Variants in PFKL observed in about 807,000 individuals in gnomAD.
PFKL encodes the protein phosphofructokinase, liver type.
Under a neutral mutation model 92.1 loss-of-function variants are expected in PFKL, and 74 were observed. That is an observed-to-expected ratio of 0.80 (90% CI 0.67 to 0.97). The LOEUF (loss-of-function observed/expected upper bound fraction) is 0.97, where lower values mean the gene tolerates loss of function less well. Among genes scored for constraint, PFKL ranks in the 50% least tolerant of loss-of-function variants. The pLI is 0.00. For synonymous variants in PFKL, 494 were observed against 456.4 expected, an observed-to-expected ratio of 1.08 and a Z score of -1.05; for missense variants, 1,028 against 1,116.6, an observed-to-expected ratio of 0.92 and a Z score of 1.13.
chr21:44,319,941 T>A, intron 11 of PFKL, 143 bp from the exon 12 acceptor site: 2 of 700,938 alleles, frequency 2.9e-6, no homozygotes, highest in Non-Finnish European at 5.1e-6. Context: ...CTGCCTGGCA[T>A]GCGCGGTGTC....
intron 15 of PFKL, 64 bp downstream of exon 15, chr21:44,323,113 AG>A: frequency 7.5e-7 from 1 of 1,339,888 alleles, no homozygotes; most frequent in Non-Finnish European, 1.1e-6. Context: ...CCTCCCGCCG[AG>A]GGGGCCCATC....
intron 2 of PFKL, among the ~76,000 whole-genome samples, chr21:44,308,438 A>G (rs2041017307): frequency 6.6e-6 from 1 of 152,208 alleles, no homozygotes; most frequent in Non-Finnish European, 1.5e-5. Context: ...AAGCGGATTA[A>G]TAGGGCAGAG....
chr21:44,326,986 C>T lies in PFKL; in HGVS notation c.*124C>T. 1 of 882,062 alleles carries T rather than the reference C, an allele frequency of 1.1e-6. No homozygotes were observed. Among genetic ancestry groups the T allele is most frequent in the Non-Finnish European group, 1.8e-6 (1 of 570,436 alleles). The allele number at this position is 882,062 out of a possible 1,614,324, so 54.6% of individuals were successfully genotyped here. A position where few individuals can be genotyped will look rare whatever the true frequency, so the allele number is the denominator to read the frequency against. On this transcript the variant is annotated 3_prime_UTR_variant, in exon 22 of 22. Transcript: ENST00000349048. Reference sequence around the variant, plus strand: ...AGGTGGGGGCTGCGTCCCTGCTCAGCCCATCCCCTGCCTCTATCCCTGGCC... The same window carrying T: ...AGGTGGGGGCTGCGTCCCTGCTCAGTCCATCCCCTGCCTCTATCCCTGGCC...
In PFKL at chr21:44,326,820, G is replaced by A. The variant is rs751250369; in HGVS notation, c.2301G>A (p.Glu767=). 3.1e-6 allele frequency: 5 copies of A among 1,603,826 alleles called. No individual in the cohort carries two copies. The highest frequency in any genetic ancestry group is 1.7e-5 in the Admixed American group (1 of 59,432). ...SMAAYVSGEL[E]HVTRRTLSMD... is the part of the protein sequence containing the mutation. Reference sequence around the variant, plus strand: ...CCGCCTACGTGTCAGGGGAGCTGGAGCACGTGACCCGCCGCACCCTGAGCA... The same window carrying A: ...CCGCCTACGTGTCAGGGGAGCTGGAACACGTGACCCGCCGCACCCTGAGCA... Residue 767 remains glutamate, a synonymous_variant, in exon 22 of 22, where the codon GAG becomes GAA. Coordinates refer to ENST00000349048, the MANE Select transcript of PFKL (RefSeq NM_002626.6).
At chr21:44,312,609 G>T (rs2047080705) in intron 4 of PFKL, among the ~76,000 whole-genome samples, 1 of 152,240 alleles carries the variant, frequency 6.6e-6, no homozygotes, top group Non-Finnish European at 1.5e-5. Flanking sequence ...TTCTGGACAT[G>T]CATGGTCACA....
In PFKL at chr21:44,323,745, G is replaced by A. The variant is rs778775643; in HGVS notation, c.1498-21G>A. The A allele has an allele frequency of 1.9e-6, 3 of 1,603,036 alleles. No homozygotes were observed. The African/African-American group carries it at 4.0e-5, about 21-fold the overall frequency. ...CTGGCCTCGGTGCTGCCCTTGACCTGCCCCGTCCCTACTGCTGCAGGCCTA... is the reference window on the plus strand; with the variant it reads ...CTGGCCTCGGTGCTGCCCTTGACCTACCCCGTCCCTACTGCTGCAGGCCTA... On this transcript the variant is annotated intron_variant, in intron 15 of 21. Transcript: ENST00000349048.
chr21:44,301,431 A>G (rs1380678089), intron 1 of PFKL, among the ~76,000 whole-genome samples: 2 of 147,056 alleles, frequency 1.4e-5, no homozygotes, highest in Non-Finnish European at 3.0e-5. Flanking sequence ...CCTGTGGGCC[A>G]GGGGTCCGTG....
chr21:44,313,579 A>C, intron 5 of PFKL, 59 bp from the exon 6 acceptor site: 1 of 1,543,692 alleles, frequency 6.5e-7, no homozygotes, highest in Non-Finnish European at 8.8e-7. Flanking sequence ...CCCGCAGGGA[A>C]TCGGGCTGGC....
In PFKL at chr21:44,304,743, GCTGT is replaced by G. The variant is rs1442427034; in HGVS notation, c.86-1934_86-1931del. Among the ~76,000 whole-genome samples, 4 of 85,512 alleles carry G rather than the reference GCTGT, an allele frequency of 4.7e-5. No individual in the cohort carries two copies. In the East Asian group the frequency reaches 1.2e-3, roughly 25 times the overall value. 56.1% of individuals were successfully genotyped at this position (85,512 alleles called of 152,430 possible). On this transcript the variant is annotated intron_variant, in intron 1 of 21. Transcript: ENST00000349048. ...GGCTTGGCTGTCTGCGGGGGGCTCG[GCTGT>G]CTGGGGGGCTCGGCTGTCTTTCTGG...
chr21:44,303,297 G>A (rs545371710), intron 1 of PFKL, among the ~76,000 whole-genome samples: 2 of 151,566 alleles, frequency 1.3e-5, no homozygotes, highest in African/African-American at 4.9e-5. Context: ...TGTAGTCCCA[G>A]CTACTCGGGA....
chr21:44,303,573 C>T (rs530864247), intron 1 of PFKL, among the ~76,000 whole-genome samples: 1 of 152,248 alleles, frequency 6.6e-6, no homozygotes, highest in East Asian at 1.9e-4. Context: ...CCTGCCTTTC[C>T]CTGGCTGGTG....
Position 44,316,193 on chromosome 21 carries a change from G to A in PFKL, c.748-51G>A, listed in dbSNP as rs368594081. 2.3e-5 allele frequency: 36 copies of A among 1,549,118 alleles called. No individual in the cohort carries two copies. The African/African-American group carries it at 2.9e-4, about 12-fold the overall frequency. On this transcript the variant is annotated intron_variant, in intron 7 of 21. Coordinates refer to ENST00000349048, the MANE Select transcript of PFKL (RefSeq NM_002626.6). Reference sequence around the variant, plus strand: ...CTCCTGGCACCCGGGGGCTGTGTCCGGGGCAGGTTTCCCTGCCTGGCAGCT... The same window carrying A: ...CTCCTGGCACCCGGGGGCTGTGTCCAGGGCAGGTTTCCCTGCCTGGCAGCT...
In PFKL at chr21:44,323,852, C is replaced by A. The variant is rs2047423990; in HGVS notation, c.1584C>A (p.Ile528=). ...TCATGTGTGTCATCCCAGCCACCAT[C>A]AGCAACAACGTCCCTGGCACCGACT... ...CIVMCVIPAT[I]SNNVPGTDFS... The change falls in exon 16 of 22, where the codon ATC becomes ATA. Residue 528 remains isoleucine (I), a synonymous_variant. Transcript: ENST00000349048. 1 of 1,613,600 alleles carries A rather than the reference C, an allele frequency of 6.2e-7. No homozygotes were observed. The highest frequency in any genetic ancestry group is 8.5e-7 in the Non-Finnish European group (1 of 1,179,966).
rs1425047555 is a variant in PFKL, at chr21:44,316,331, G to A, written c.835G>A (p.Val279Met). 5.0e-6 allele frequency: 8 copies of A among 1,613,060 alleles called. No homozygotes were observed. The highest frequency in any genetic ancestry group is 1.7e-5 in the Admixed American group (1 of 60,004). Residue 279 changes from valine to methionine, a missense_variant, in exon 8 of 22, where the codon GTG becomes ATG. Transcript: ENST00000349048. ...CGGGAAGCCCATCTCGTCCAGCTAC[G>A]TGAAGGACGTGCGTGTGGGCCTGGG... ...RNGKPISSSY[V>M]KDLVVQRLGF... is the part of the protein sequence containing the mutation.
rs372280224 is a variant in PFKL at position 44,316,456 on chromosome 21, G to A, written c.868G>A (p.Asp290Asn). ...GCTGGTGGTTCAGAGGCTGGGCTTCGACACCCGTGTAACTGTGCTGGGCCA... is the reference window on the plus strand; with the variant it reads ...GCTGGTGGTTCAGAGGCTGGGCTTCAACACCCGTGTAACTGTGCTGGGCCA... ...KDLVVQRLGF[D>N]TRVTVLGHVQ... Residue 290 changes from aspartate to asparagine, a missense_variant, in exon 9 of 22, where the codon GAC becomes AAC. Coordinates refer to ENST00000349048, the MANE Select transcript of PFKL (RefSeq NM_002626.6). 1.5e-5 allele frequency: 24 copies of A among 1,611,582 alleles called. No homozygotes were observed. Among genetic ancestry groups the A allele is most frequent in the African/African-American group, 8.0e-5 (6 of 74,896 alleles).
Position 44,300,134 on chromosome 21 carries a change from G to A in PFKL, c.29G>A (p.Arg10Gln). Residue 10 changes from arginine (R) to glutamine (Q), a missense_variant, in exon 1 of 22, where the codon CGG (arginine) becomes CAG (glutamine). Coordinates refer to ENST00000349048, the MANE Select transcript of PFKL (RefSeq NM_002626.6). ...GCCGCGGTGGACCTGGAGAAGCTGC[G>A]GGCGTCGGGCGCGGGCAAGGCCATC... MAAVDLEKL[R>Q]ASGAGKAIGV... The A allele has an allele frequency of 8.4e-7, 1 of 1,189,948 alleles. No homozygotes were observed. The highest frequency in any genetic ancestry group is 1.1e-6 in the Non-Finnish European group (1 of 944,570). 73.7% of individuals were successfully genotyped at this position (1,189,948 alleles called of 1,614,324 possible).
At chr21:44,311,358 GCACACAGA>G (rs2047041663) in intron 3 of PFKL, among the ~76,000 whole-genome samples, 2 of 144,412 alleles carry the variant, frequency 1.4e-5, no homozygotes, top group African/African-American at 2.8e-5. Flanking sequence ...ACACAGACGT[GCACACAGA>G]CACACAGACG....
chr21:44,301,013 T>G (rs1399805273), intron 1 of PFKL, among the ~76,000 whole-genome samples: 2 of 152,092 alleles, frequency 1.3e-5, no homozygotes, highest in East Asian at 3.9e-4. Context: ...AGGTGCTGGG[T>G]TGGGAAGGGG....
chr21:44,323,826 G>A lies in PFKL; in HGVS notation c.1558G>A (p.Val520Ile), dbSNP rs749633154. Residue 520 changes from valine (V) to isoleucine (I), a missense_variant, in exon 16 of 22, where the codon GTC (valine) becomes ATC (isoleucine). Val to Ile is a conservative substitution (Grantham distance 29). Coordinates refer to ENST00000349048, the MANE Select transcript of PFKL (RefSeq NM_002626.6). ...CGGGCGCTACGAGGAGCTCTGCATC[G>A]TCATGTGTGTCATCCCAGCCACCAT... ...ARGRYEELCIVMCVIPATISN... is the reference protein window; with the variant it reads ...ARGRYEELCIIMCVIPATISN... 124 of 1,613,184 alleles carry A rather than the reference G, an allele frequency of 7.7e-5. No individual in the cohort carries two copies. The South Asian group carries it at 8.5e-4, about 11-fold the overall frequency.
Sources: allele counts gnomAD v4.1 joint callset (sites outside exome capture counted in the v4.1 genomes callset), GRCh38; gene constraint gnomAD v4.1.1; transcripts MANE v1.5; gene names NCBI Gene and HGNC (gene_info 2026-07-23, HGNC 2026-07-21).